Variants in TRPM8 observed in about 807,000 individuals in gnomAD.
TRPM8 encodes the protein TRPM8 cationic channel.
Under a neutral mutation model 133.7 loss-of-function variants are expected in TRPM8, and 110 were observed. The observed-to-expected ratio is 0.82, with a 90% CI of 0.70 to 0.96. The LOEUF (loss-of-function observed/expected upper bound fraction) is 0.96. Among genes scored for constraint, TRPM8 ranks in the 40% least tolerant of loss-of-function variants. The pLI is 0.00. For missense variants in TRPM8, 1,291 were observed against 1,379.5 expected (o/e 0.94, Z 1.02); for synonymous variants, 535 against 532.3 (o/e 1.01, Z -0.07).
intron 6 of TRPM8, among the ~76,000 whole-genome samples, chr2:233,945,386 A>G (rs1232638311): frequency 6.6e-6 from 1 of 152,118 alleles, no homozygotes; most frequent in African/African-American, 2.4e-5. Context: ...TTCATTTTCT[A>G]ATCCCTAGAT....
At chr2:233,968,782 T>C (rs1691637419) in intron 15 of TRPM8, among the ~76,000 whole-genome samples, 1 of 152,076 alleles carries the variant, frequency 6.6e-6, no homozygotes, top group Admixed American at 6.5e-5. Flanking sequence ...GCTCCCCTGC[T>C]AACTCTCAGA....
At chr2:233,961,630 CTTTTTTTT>C (rs57935574) in intron 12 of TRPM8, among the ~76,000 whole-genome samples, 1 of 111,680 alleles carries the variant, frequency 9.0e-6, no homozygotes, top group Middle Eastern at 4.9e-3. Flanking sequence ...CTTTTCTTTT[CTTTTTTTT>C]TTTTTTTTTG....
chr2:233,931,659 G>A (rs969146255), intron 3 of TRPM8, among the ~76,000 whole-genome samples: 3 of 152,140 alleles, frequency 2.0e-5, no homozygotes, highest in South Asian at 2.1e-4. Context: ...TATTCAAGAC[G>A]CAGCATATAA....
intron 9 of TRPM8, among the ~76,000 whole-genome samples, chr2:233,950,738 C>A (rs1691155195): frequency 6.6e-6 from 1 of 152,194 alleles, no homozygotes; most frequent in African/African-American, 2.4e-5. Flanking sequence ...GCTCCCCAAC[C>A]CTGAGTAGGG....
At chr2:233,927,916 C>CTT (rs1691592417) in intron 2 of TRPM8, among the ~76,000 whole-genome samples, 5 of 32,972 alleles carry the variant, frequency 1.5e-4, no homozygotes, top group East Asian at 1.2e-3. Context: ...CTTTCTCTCT[C>CTT]TCTCTCTTTC....
At chr2:233,950,491 T>G (rs987450010) in intron 9 of TRPM8, among the ~76,000 whole-genome samples, 1 of 152,204 alleles carries the variant, frequency 6.6e-6, no homozygotes, top group Non-Finnish European at 1.5e-5. Flanking sequence ...CATATCAGCC[T>G]TACTGATGAT....
In TRPM8 at chr2:233,950,001, C is replaced by A; in HGVS notation, c.995C>A (p.Ser332Ter). 6.2e-7 allele frequency: 1 copy of A among 1,614,142 alleles called. No homozygotes were observed. The change falls in exon 9 of 26, where the codon TCG becomes TAG. Residue 332 changes from serine (S) to a stop codon, truncating the protein, a stop_gained. Transcript: ENST00000324695. LOFTEE classifies it high-confidence loss of function. ...ATTCCTTGTGTGGTGGTGGAAGGCTCGGGCCAGATCGCTGATGTGATCGCT... is the reference window on the plus strand; with the variant it reads ...ATTCCTTGTGTGGTGGTGGAAGGCTAGGGCCAGATCGCTGATGTGATCGCT... Reference protein sequence around the residue: ...NKIPCVVVEGSGQIADVIASL... With the variant: ...NKIPCVVVEG
chr2:233,957,331 A>C (rs1308779635), intron 11 of TRPM8, among the ~76,000 whole-genome samples: 1 of 151,020 alleles, frequency 6.6e-6, no homozygotes, highest in Non-Finnish European at 1.5e-5. Flanking sequence ...GCCCCCCCCA[A>C]AAAAAAAATT....
intron 21 of TRPM8, among the ~76,000 whole-genome samples, chr2:233,995,654 A>C (rs1692383562): frequency 6.6e-6 from 1 of 152,218 alleles, no homozygotes; most frequent in Non-Finnish European, 1.5e-5. Flanking sequence ...TAATGGCTGC[A>C]TAATGTAATC....
rs1691032806 is a variant in TRPM8, at chr2:233,945,951, TG to T, written c.797del (p.Gly266AlafsTer16). 1 of 1,614,036 alleles carries T rather than the reference TG, an allele frequency of 6.2e-7. No homozygotes were observed. On this transcript the variant is annotated frameshift_variant, in exon 7 of 26. Transcript: ENST00000324695. LOFTEE classifies it high-confidence loss of function. ...NHTHLLLVDNGCHGHPTVEAK... is the reference protein window; with the variant it reads ...NHTHLLLVDNXCHGHPTVEAK... The stretch of plus-strand genomic sequence containing the variant: ...ACACACATTTGCTGCTCGTGGACAA[TG>T]GCTGTCATGGACATCCCACTGTCGA...
At chr2:233,976,318 A>G (rs1691872089) in intron 17 of TRPM8, among the ~76,000 whole-genome samples, 1 of 152,160 alleles carries the variant, frequency 6.6e-6, no homozygotes. Flanking sequence ...CTCTGTGCCA[A>G]TTTCCTGTGT....
chr2:233,956,525 AT>A (rs1315009908), intron 11 of TRPM8, among the ~76,000 whole-genome samples: 16 of 152,236 alleles, frequency 1.1e-4, no homozygotes, highest in East Asian at 3.9e-4. Context: ...TTCCAAGTTA[AT>A]TTCAGTCATT....
chr2:233,960,736 T>C, intron 11 of TRPM8, 40 bp from the exon 12 acceptor site: 4 of 1,553,884 alleles, frequency 2.6e-6, no homozygotes, highest in Non-Finnish European at 3.5e-6. Context: ...TACCATATTT[T>C]TATAGTATTG....
Position 233,960,882 on chromosome 2 carries a change from A to T in TRPM8, c.1469A>T (p.His490Leu), listed in dbSNP as rs747428545. 1.2e-6 allele frequency: 2 copies of T among 1,614,066 alleles called. No homozygotes were observed. The highest frequency in any genetic ancestry group is 1.3e-5 in the African/African-American group (1 of 74,924). ...NGLNLRKFLT[H>L]DVLTELFSNH... ...TTGAACCTACGGAAGTTTCTCACCC[A>T]TGATGTCCTCACTGAACTCTTCTCC... Residue 490 changes from histidine to leucine, a missense_variant, in exon 12 of 26, where the codon CAT becomes CTT. Physicochemically the swap from His to Leu is moderately conservative, Grantham distance 99 (BLOSUM62 -3). This residue lies in a region of TRPM8 where 963 missense variants were observed against 968.9 expected (regional missense o/e 0.99). Transcript: ENST00000324695.
chr2:233,928,047 G>A (rs1172595344), intron 2 of TRPM8, among the ~76,000 whole-genome samples: 1 of 144,538 alleles, frequency 6.9e-6, no homozygotes, highest in East Asian at 2.1e-4. Flanking sequence ...TCGGCTCACT[G>A]CAAACTCCAC....
rs537017662 is a variant in TRPM8, at chr2:233,935,900, G to A, written c.192-1453G>A. Among the ~76,000 whole-genome samples the A allele has an allele frequency of 5.3e-5, 8 of 152,308 alleles. No individual in the cohort carries two copies. The East Asian group carries it at 1.5e-3, about 29-fold the overall frequency. On this transcript the variant is annotated intron_variant, in intron 3 of 25. Coordinates refer to ENST00000324695, the MANE Select transcript of TRPM8 (RefSeq NM_024080.5). ...CTTTGGAGACCACATCTCTCAGGATGCCCTGGATAGAGAGGTCAAATAGTC... is the reference window on the plus strand; with the variant it reads ...CTTTGGAGACCACATCTCTCAGGATACCCTGGATAGAGAGGTCAAATAGTC...
chr2:233,956,013 C>G (rs1241555090), intron 11 of TRPM8, among the ~76,000 whole-genome samples: 2 of 152,146 alleles, frequency 1.3e-5, no homozygotes. Context: ...CACCCATCAC[C>G]CCCAGATGAG....
chr2:234,006,979 G>T, intron 23 of TRPM8, 27 bp downstream of exon 23: 1 of 1,562,616 alleles, frequency 6.4e-7, no homozygotes, highest in Non-Finnish European at 8.8e-7. Context: ...TTTCTGCTTT[G>T]CAAGGCTCCC....
intron 6 of TRPM8, chr2:233,942,953 A>G: frequency 1.6e-6 from 1 of 616,794 alleles, no homozygotes; most frequent in Non-Finnish European, 2.9e-6. Flanking sequence ...TTAACAATGA[A>G]TGTTTTGTTC....
Sources: gnomAD v4.1 joint callset for allele counts (sites outside exome capture counted in the v4.1 genomes callset) on GRCh38, gnomAD v4.1.1 for gene constraint, gnomAD v4.1.1 regional missense constraint, MANE v1.5 for transcripts, NCBI Gene and HGNC (gene_info 2026-07-23, HGNC 2026-07-21) for gene names.